Variants in ARID2 observed in about 807,000 individuals in gnomAD.
ARID2 encodes the protein AT-rich interaction domain 2.
Under a neutral mutation model 184.6 loss-of-function variants are expected in ARID2, and 32 were observed. The ratio of observed to expected loss-of-function variants is 0.17; its 90% CI spans 0.13 to 0.23. The LOEUF is 0.23. Ranked by LOEUF, ARID2 falls within the 10% of genes least tolerant of loss-of-function variation. ARID2 has a pLI of 1.00. For synonymous variants in ARID2, 836 were observed against 772.6 expected (o/e 1.08, Z -1.36); for missense variants, 1,696 against 2,197.6 (o/e 0.77, Z 4.56).
chr12:45,803,350 C>T (rs1200659740), intron 3 of ARID2, among the ~76,000 whole-genome samples: 2 of 152,034 alleles, frequency 1.3e-5, no homozygotes, highest in Non-Finnish European at 2.9e-5. Flanking sequence ...CCATATCTTC[C>T]ATGTATTAAT....
chr12:45,880,416 G>T (rs1007120084), intron 16 of ARID2, among the ~76,000 whole-genome samples: 1 of 152,248 alleles, frequency 6.6e-6, no homozygotes, highest in African/African-American at 2.4e-5. Context: ...TGATGTTGAG[G>T]TTCAAATCAC....
intron 6 of ARID2, among the ~76,000 whole-genome samples, chr12:45,830,484 T>A (rs1207643837): frequency 6.6e-6 from 1 of 152,132 alleles, no homozygotes; most frequent in East Asian, 1.9e-4. Context: ...TTTGCCTCCT[T>A]TTCTTTGAAG....
intron 16 of ARID2, chr12:45,874,039 A>G (rs1418965918): frequency 1.3e-5 from 2 of 152,258 alleles, no homozygotes; most frequent in East Asian, 3.8e-4. Context: ...ATTGGAATCA[A>G]GCAGCAGTGC....
At chr12:45,740,361 A>G (rs1053718588) in intron 3 of ARID2, among the ~76,000 whole-genome samples, 3 of 151,990 alleles carry the variant, frequency 2.0e-5, no homozygotes, top group Admixed American at 1.3e-4. Flanking sequence ...AGATCAACCA[A>G]TTAATTGTTT....
intron 15 of ARID2, among the ~76,000 whole-genome samples, chr12:45,857,750 T>C (rs1304160351): frequency 6.6e-6 from 1 of 152,064 alleles, no homozygotes; most frequent in Non-Finnish European, 1.5e-5. Context: ...CATCTCTCTC[T>C]CTCTCCCTCT....
In ARID2 at chr12:45,732,383, C is replaced by G. The variant is rs139354259; in HGVS notation, c.284+1069C>G. Among the ~76,000 whole-genome samples the G allele has an allele frequency of 5.5e-3, 830 of 152,250 alleles. 7 individuals are homozygous for G. The highest frequency in any genetic ancestry group is 0.019 in the African/African-American group (792 of 41,558). ...ATCGCACAGGTGTACTTTCTATTGG[C>G]TATCTTAGATTGACTTCAGGCTTGA... On this transcript the variant is annotated intron_variant, in intron 3 of 20. Transcript: ENST00000334344.
At chr12:45,786,120 T>G (rs1942192745) in intron 3 of ARID2, among the ~76,000 whole-genome samples, 1 of 152,226 alleles carries the variant, frequency 6.6e-6, no homozygotes. Context: ...TATACTGTGA[T>G]TCATATTTAT....
intron 6 of ARID2, among the ~76,000 whole-genome samples, chr12:45,822,674 T>C (rs1942920962): frequency 6.6e-6 from 1 of 152,116 alleles, no homozygotes. Flanking sequence ...AAATCAGTTG[T>C]AAAAATTTTG....
chr12:45,729,814 TA>T lies in ARID2; in HGVS notation c.-18del, dbSNP rs1565573569. On this transcript the variant is annotated 5_prime_UTR_variant, in exon 1 of 21. Transcript: ENST00000334344. ...TTTTAAAACACCGATCTGGGTTTTT[TA>T]AAAACCTCCTTTGAAAAAATAATGG... 6.3e-7 allele frequency: 1 copy of T among 1,591,980 alleles called. No individual in the cohort carries two copies. Among genetic ancestry groups the T allele is most frequent in the South Asian group, 1.1e-5 (1 of 88,188 alleles).
chr12:45,794,333 A>AT (rs1426377777), intron 3 of ARID2, among the ~76,000 whole-genome samples: 5 of 152,156 alleles, frequency 3.3e-5, no homozygotes, highest in African/African-American at 4.8e-5. Context: ...TCAGCGTATG[A>AT]TTTTTTCTTG....
At chr12:45,730,325 G>A (rs1211603076) in intron 2 of ARID2, among the ~76,000 whole-genome samples, 188 bp downstream of exon 2, 1 of 147,086 alleles carries the variant, frequency 6.8e-6, no homozygotes, top group Non-Finnish European at 1.5e-5. Context: ...GCTCGCGTGC[G>A]CGCGGCGGGC....
rs908198409 is a variant in ARID2 at position 45,868,767 on chromosome 12, T to C, written c.4922+7818T>C. ...CCACCTTTGTCATATACTAATCCTA[T>C]AAATGCTGTGCCTATTTCTGGATCA... On this transcript the variant is annotated intron_variant, in intron 16 of 20. Transcript: ENST00000334344. Among the ~76,000 whole-genome samples, 3 of 152,226 alleles carry C rather than the reference T, an allele frequency of 2.0e-5. No homozygotes were observed. In the South Asian group the frequency reaches 6.2e-4, roughly 32 times the overall value.
intron 16 of ARID2, among the ~76,000 whole-genome samples, chr12:45,875,308 A>G (rs539687506): frequency 8.1e-4 from 124 of 152,340 alleles, no homozygotes; most frequent in Non-Finnish European, 1.4e-3. Flanking sequence ...GTAAGTTTCA[A>G]TAGCAGACTT....
intron 3 of ARID2, among the ~76,000 whole-genome samples, chr12:45,782,977 T>G (rs1942124274): frequency 6.6e-6 from 1 of 151,646 alleles, no homozygotes; most frequent in African/African-American, 2.4e-5. Flanking sequence ...TAAATAAAAA[T>G]TAGCCAGGGG....
At chr12:45,750,070 A>T (rs1941431777) in intron 3 of ARID2, among the ~76,000 whole-genome samples, 1 of 152,208 alleles carries the variant, frequency 6.6e-6, no homozygotes, top group South Asian at 2.1e-4. Context: ...AGCTTTTGGC[A>T]TATCTTGGCT....
chr12:45,755,463 A>C (rs912856329), intron 3 of ARID2, among the ~76,000 whole-genome samples: 3 of 152,234 alleles, frequency 2.0e-5, no homozygotes, highest in Non-Finnish European at 2.9e-5. Context: ...TCACATTCAG[A>C]AAGTACTTCA....
intron 12 of ARID2, among the ~76,000 whole-genome samples, chr12:45,848,381 T>G (rs1231508518): frequency 6.6e-6 from 1 of 152,068 alleles, no homozygotes; most frequent in Non-Finnish European, 1.5e-5. Context: ...TGGATAAGTT[T>G]TTTCTGAAGG....
At chr12:45,730,295 G>A (rs1199966962) in intron 2 of ARID2, among the ~76,000 whole-genome samples, 158 bp downstream of exon 2, 2 of 150,034 alleles carry the variant, frequency 1.3e-5, no homozygotes, top group East Asian at 2.0e-4. Context: ...GACGGCGGCG[G>A]GGCTGTTTTT....
chr12:45,886,213 A>G (rs976452041), intron 16 of ARID2, among the ~76,000 whole-genome samples: 1 of 152,084 alleles, frequency 6.6e-6, no homozygotes, highest in Admixed American at 6.5e-5. Context: ...CAAAGAGGCT[A>G]CAGGCACCAT....
Sources: allele counts gnomAD v4.1 joint callset (sites outside exome capture counted in the v4.1 genomes callset), GRCh38; gene constraint gnomAD v4.1.1; transcripts MANE v1.5; gene names NCBI Gene and HGNC (gene_info 2026-07-23, HGNC 2026-07-21).